The following MAP3K5 variants were observed in gnomAD, a reference collection of about 807,000 sequenced individuals.
MAP3K5 encodes ASK-1.
In MAP3K5, 56 loss-of-function variants were observed where a neutral mutation model predicts 158.7. That is an observed-to-expected ratio of 0.35 (90% CI 0.28 to 0.44). MAP3K5 has a LOEUF of 0.44. Ranked by LOEUF, MAP3K5 falls within the 20% of genes least tolerant of loss-of-function variation. The pLI is 1.00. For missense variants in MAP3K5, 1,294 were observed against 1,674.8 expected (o/e 0.77, Z 3.97); for synonymous variants, 579 against 601.7 (o/e 0.96, Z 0.55).
At chr6:136,742,422 C>T (rs1782748271) in intron 1 of MAP3K5, among the ~76,000 whole-genome samples, 1 of 150,960 alleles carries the variant, frequency 6.6e-6, no homozygotes, top group Non-Finnish European at 1.5e-5. Context: ...ACAACTGAAC[C>T]TCTACATGAA....
rs72981632 is a variant in MAP3K5 at position 136,722,134 on chromosome 6, T to C, written c.449-1545A>G. Among the ~76,000 whole-genome samples, 1,311 of 152,314 alleles carry C rather than the reference T, an allele frequency of 8.6e-3. 11 individuals are homozygous for C. Among genetic ancestry groups the C allele is most frequent in the Non-Finnish European group, 0.013 (900 of 68,028 alleles). ...TATCTCTATTTGCAGATGTTGTGGA[T>C]GTCAACCAAATACCCCAACAGACTT... On this transcript the variant is annotated intron_variant, in intron 1 of 29. Coordinates refer to ENST00000359015, the MANE Select transcript of MAP3K5 (RefSeq NM_005923.4).
chr6:136,654,166 T>C (rs1003919116), intron 10 of MAP3K5, among the ~76,000 whole-genome samples: 7 of 152,204 alleles, frequency 4.6e-5, no homozygotes, highest in African/African-American at 1.7e-4. Context: ...AGAAATGAAA[T>C]GTGGCAAATA....
At chr6:136,759,892 G>A (rs549645863) in intron 1 of MAP3K5, among the ~76,000 whole-genome samples, 9 of 151,512 alleles carry the variant, frequency 5.9e-5, no homozygotes, top group East Asian at 5.8e-4. Context: ...TGGGATAGGC[G>A]GTGGAGTTAA....
chr6:136,751,781 T>C (rs1206877373), intron 1 of MAP3K5, among the ~76,000 whole-genome samples: 1 of 152,210 alleles, frequency 6.6e-6, no homozygotes, highest in African/African-American at 2.4e-5. Context: ...TGCATTCTTG[T>C]AATCGAAGCC....
At chr6:136,670,803 A>C (rs1230561493) in intron 7 of MAP3K5, among the ~76,000 whole-genome samples, 3 of 152,192 alleles carry the variant, frequency 2.0e-5, no homozygotes, top group Non-Finnish European at 4.4e-5. Context: ...TATGAATCTT[A>C]ACTAGTTGGC....
chr6:136,562,652 CA>C, intron 26 of MAP3K5, 37 bp from the exon 27 acceptor site: 5 of 1,065,072 alleles, frequency 4.7e-6, no homozygotes, highest in Non-Finnish European at 5.6e-6. Flanking sequence ...CAGGAGGTGA[CA>C]CAGGGTGACC....
At chr6:136,735,221 A>G (rs2114846981) in intron 1 of MAP3K5, among the ~76,000 whole-genome samples, 1 of 152,344 alleles carries the variant, frequency 6.6e-6, no homozygotes, top group South Asian at 2.1e-4. Flanking sequence ...GCAGTGTAAC[A>G]TGGTGATACA....
intron 7 of MAP3K5, among the ~76,000 whole-genome samples, chr6:136,679,088 C>G (rs750728847): frequency 1.1e-4 from 17 of 152,174 alleles, no homozygotes; most frequent in Non-Finnish European, 2.2e-4. Context: ...GTAAACTTCT[C>G]TTTTGAGCTT....
intron 23 of MAP3K5, among the ~76,000 whole-genome samples, chr6:136,586,120 C>T (rs759760608): frequency 5.3e-5 from 8 of 152,130 alleles, no homozygotes; most frequent in Admixed American, 1.3e-4. Context: ...TGTCATTAAA[C>T]GAATACTTTA....
chr6:136,709,963 T>A, intron 2 of MAP3K5, among the ~76,000 whole-genome samples: 1 of 152,200 alleles, frequency 6.6e-6, no homozygotes, highest in East Asian at 1.9e-4. Context: ...TCGTGTAACA[T>A]CTGAATTCTT....
intron 26 of MAP3K5, among the ~76,000 whole-genome samples, chr6:136,566,146 G>A (rs1222132092): frequency 6.6e-6 from 1 of 152,130 alleles, no homozygotes; most frequent in East Asian, 1.9e-4. Context: ...GTGGCGCCAG[G>A]GTGGCGAGCA....
intron 14 of MAP3K5, among the ~76,000 whole-genome samples, chr6:136,626,023 G>C (rs1447174170): frequency 6.6e-6 from 1 of 152,054 alleles, no homozygotes; most frequent in Non-Finnish European, 1.5e-5. Flanking sequence ...ATGACATAGG[G>C]AAACTACAAA....
In MAP3K5 at chr6:136,734,930, T is replaced by C. The variant is rs367948128; in HGVS notation, c.449-14341A>G. The stretch of plus-strand genomic sequence containing the variant: ...TAAGGTTATAGGAGTTGATTTGTGA[T>C]AATTTTTGAAGAAAATCCAACTGTT... On this transcript the variant is annotated intron_variant, in intron 1 of 29. Coordinates refer to ENST00000359015, the MANE Select transcript of MAP3K5 (RefSeq NM_005923.4). Among the ~76,000 whole-genome samples the C allele has an allele frequency of 2.2e-4, 34 of 152,358 alleles. 1 individual carries two copies. The highest frequency in any genetic ancestry group is 9.1e-4 in the Admixed American group (14 of 15,306).
chr6:136,687,806 T>C (rs1472975709), intron 7 of MAP3K5, among the ~76,000 whole-genome samples: 4 of 152,214 alleles, frequency 2.6e-5, no homozygotes, highest in South Asian at 4.1e-4. Flanking sequence ...AATAAGAACT[T>C]TTTACACTGT....
chr6:136,777,671 T>C (rs1317701680), intron 1 of MAP3K5, among the ~76,000 whole-genome samples: 2 of 152,234 alleles, frequency 1.3e-5, no homozygotes, highest in African/African-American at 4.8e-5. Context: ...CCTTCAGAGG[T>C]AGCCCAGATT....
intron 25 of MAP3K5, among the ~76,000 whole-genome samples, chr6:136,570,403 G>A (rs1252967684): frequency 1.3e-5 from 2 of 152,110 alleles, no homozygotes; most frequent in Admixed American, 1.3e-4. Flanking sequence ...CTCCATAGAT[G>A]AGCTCATTCA....
rs1455736055 is a variant in MAP3K5, at chr6:136,753,565, A to G, written c.449-32976T>C. 2.4e-4 allele frequency among the ~76,000 whole-genome samples: 37 copies of G among 152,198 alleles called. 1 individual carries two copies. Among genetic ancestry groups the G allele is most frequent in the Admixed American group, 2.4e-3 (37 of 15,280 alleles). On this transcript the variant is annotated intron_variant, in intron 1 of 29. Transcript: ENST00000359015. ...ATAATCTTGTTAAAATACTTTAAAA[A>G]GGCATGGTATTAAATTGATGGACTC...
At chr6:136,730,131 C>T (rs1399023262) in intron 1 of MAP3K5, among the ~76,000 whole-genome samples, 1 of 149,608 alleles carries the variant, frequency 6.7e-6, no homozygotes, top group African/African-American at 2.5e-5. Context: ...CGCCACCATA[C>T]CTGTTTTTTT....
intron 15 of MAP3K5, among the ~76,000 whole-genome samples, chr6:136,616,829 A>G (rs907942460): frequency 9.2e-5 from 14 of 151,986 alleles, no homozygotes; most frequent in South Asian, 6.2e-4. Context: ...CCCAGGCTCA[A>G]GCAATGCTCC....
Sources: gnomAD v4.1 joint callset for allele counts (sites outside exome capture counted in the v4.1 genomes callset) on GRCh38, gnomAD v4.1.1 for gene constraint, MANE v1.5 for transcripts, NCBI Gene and HGNC (gene_info 2026-07-23, HGNC 2026-07-21) for gene names.